PZP: variants seen among roughly 807,000 people sequenced by gnomAD.
PZP encodes the protein PZP alpha-2-macroglobulin like, also known as pregnancy zone protein.
In PZP, 150 loss-of-function variants were observed where a neutral mutation model predicts 179.8. That is an observed-to-expected ratio of 0.83 (90% CI 0.73 to 0.96). The LOEUF is 0.96. Ranked by LOEUF, PZP falls within the 40% of genes least tolerant of loss-of-function variation. PZP has a pLI of 0.00. For synonymous variants in PZP, 624 were observed against 652.3 expected (o/e 0.96, Z 0.66); for missense variants, 1,689 against 1,764.0 (o/e 0.96, Z 0.76).
At position 9,170,909 on chromosome 12, in the gene PZP, G is replaced by C. The variant is rs377296642; in HGVS notation, c.1840-1318C>G. Among the ~76,000 whole-genome samples the C allele has an allele frequency of 6.6e-6, 1 of 152,144 alleles. No homozygotes were observed. Among genetic ancestry groups the C allele is most frequent in the African/African-American group, 2.4e-5 (1 of 41,422 alleles). ...CCATCTCTGCAGTTTGGTTGACTCT[G>C]CCACTCCAACCTGCTGGCTTTGGAG... On this transcript the variant is annotated intron_variant, in intron 15 of 35. Transcript: ENST00000261336. The surrounding 1 kb of genome is among the most constrained non-coding windows in gnomAD (Gnocchi z 4.6).
At position 9,168,967 on chromosome 12, in the gene PZP, C is replaced by T; in HGVS notation, c.2009G>A (p.Gly670Glu). The change falls in exon 17 of 36, where the codon GGA becomes GAA. Residue 670 changes from glycine (G) to glutamate (E), a missense_variant. By Grantham distance (98) the Gly-to-Glu change is moderately conservative. Coordinates refer to ENST00000261336, the MANE Select transcript of PZP (RefSeq NM_002864.3). Reference protein sequence around the residue: ...ADIYSFLKGMGLKVFTNSKIR... With the variant: ...ADIYSFLKGMELKVFTNSKIR... Reference sequence around the variant, plus strand: ...TTTTGAGTTAGTGAACACCTTCAATCCCATCCCCTGGAAAAAAATAATTGT... The same window carrying T: ...TTTTGAGTTAGTGAACACCTTCAATTCCATCCCCTGGAAAAAAATAATTGT... 6.2e-7 allele frequency: 1 copy of T among 1,611,862 alleles called. No individual in the cohort carries two copies. Among genetic ancestry groups the T allele is most frequent in the Non-Finnish European group, 8.5e-7 (1 of 1,178,020 alleles).
the PZP span, among the ~76,000 whole-genome samples, chr12:9,141,267 A>G: frequency 6.6e-6 from 1 of 152,214 alleles, no homozygotes; most frequent in African/African-American, 2.4e-5. Flanking sequence ...AAAGAAAGCC[A>G]AACACCATTT....
intron 4 of PZP, among the ~76,000 whole-genome samples, chr12:9,201,689 A>G (rs943192616): frequency 6.6e-6 from 1 of 152,138 alleles, no homozygotes; most frequent in Admixed American, 6.5e-5. Flanking sequence ...GGAAATAGAT[A>G]TTAATAGAGT....
downstream of PZP, among the ~76,000 whole-genome samples, chr12:9,146,292 T>C (rs2120442393): frequency 6.6e-6 from 1 of 151,990 alleles, no homozygotes; most frequent in South Asian, 2.1e-4. Flanking sequence ...TTCTTCTGCT[T>C]TATCTAGTTT....
intron 31 of PZP, 64 bp downstream of exon 31, chr12:9,152,760 T>G: frequency 6.5e-7 from 1 of 1,537,644 alleles, no homozygotes; most frequent in South Asian, 1.2e-5. Context: ...AATGGACTAT[T>G]AATTTCTGTT....
intron 15 of PZP, among the ~76,000 whole-genome samples, chr12:9,173,933 A>G (rs894655245): frequency 6.6e-6 from 1 of 152,198 alleles, no homozygotes; most frequent in Admixed American, 6.5e-5. Flanking sequence ...TACTAAAACT[A>G]TTCCAAAAAT....
chr12:9,204,801 A>C (rs1434086745), intron 1 of PZP, among the ~76,000 whole-genome samples: 1 of 152,290 alleles, frequency 6.6e-6, no homozygotes, highest in Admixed American at 6.5e-5. Flanking sequence ...ATAAAAAAAA[A>C]CAAACAGGTT....
intron 4 of PZP, 138 bp from the exon 5 acceptor site, chr12:9,201,485 A>G (rs766574849): frequency 1.6e-6 from 1 of 623,974 alleles, no homozygotes; most frequent in Non-Finnish European, 2.8e-6. Flanking sequence ...GAACTGGAAA[A>G]ATCTCAGGGA....
rs1941092020 is a variant in PZP, at chr12:9,160,399, A to G, written c.2964T>C (p.Pro988=). ...CGEQNMVLFA[P]NIYVLNYLNE... is the part of the protein sequence containing the mutation. The stretch of plus-strand genomic sequence containing the variant: ...TCAGATAGTTCAAGACATAGATGTT[A>G]GGAGCAAATAGGACCATGTTCTGTT... The change falls in exon 24 of 36, where the codon CCT becomes CCC. Residue 988 remains proline (P), a synonymous_variant. Transcript: ENST00000261336. 1.9e-6 allele frequency: 3 copies of G among 1,613,964 alleles called. No individual in the cohort carries two copies. The highest frequency in any genetic ancestry group is 1.7e-5 in the Admixed American group (1 of 60,002).
At chr12:9,166,309 C>T in intron 17 of PZP, 107 bp from the exon 18 acceptor site, 1 of 1,040,450 alleles carries the variant, frequency 9.6e-7, no homozygotes, top group East Asian at 2.6e-5. Flanking sequence ...CTCAGACTGT[C>T]CTAAAAGTCT....
intron 28 of PZP, chr12:9,156,186 G>A: frequency 4.8e-6 from 1 of 207,370 alleles, no homozygotes; most frequent in Non-Finnish European, 1.0e-5. Context: ...GGCTTCTTTT[G>A]TGAAGTCAGT....
At chr12:9,204,305 G>A (rs1320410606) in intron 1 of PZP, among the ~76,000 whole-genome samples, 3 of 151,872 alleles carry the variant, frequency 2.0e-5, no homozygotes, top group African/African-American at 7.3e-5. Flanking sequence ...AAAAGTGCAC[G>A]CACACAAACA....
intron 34 of PZP, among the ~76,000 whole-genome samples, chr12:9,150,383 C>T (rs1940262923): frequency 1.3e-5 from 2 of 152,214 alleles, no homozygotes; most frequent in South Asian, 4.1e-4. Flanking sequence ...CCCAGGCTTA[C>T]ACGATTCTCC....
chr12:9,181,054 G>T lies in PZP; in HGVS notation c.1768C>A (p.Leu590Ile), dbSNP rs1301407058. 6.2e-6 allele frequency: 10 copies of T among 1,614,078 alleles called. No individual in the cohort carries two copies. The highest frequency in any genetic ancestry group is 8.5e-6 in the Non-Finnish European group (10 of 1,180,018). ...TGGTCCACAGCACGAAGGGCACAGA[G>T]GGACTGCGGAGCAGCTGCTACTTGC... ...HLQVAAAPQS[L>I]CALRAVDQSV... The change falls in exon 15 of 36, where the codon CTC becomes ATC. Residue 590 changes from leucine to isoleucine, a missense_variant. This residue lies in a region of PZP where 742 missense variants were observed against 730.5 expected (regional missense o/e 1.02). Transcript: ENST00000261336.
At chr12:9,136,853 C>G in the PZP span, among the ~76,000 whole-genome samples, 1 of 152,060 alleles carries the variant, frequency 6.6e-6, no homozygotes, top group Admixed American at 6.5e-5. Context: ...AGATCCTTGC[C>G]CATTTTAAAG....
intron 15 of PZP, among the ~76,000 whole-genome samples, chr12:9,177,662 A>G (rs1197374103): frequency 1.3e-5 from 2 of 152,338 alleles, no homozygotes; most frequent in East Asian, 1.9e-4. Context: ...TATTGGGTGA[A>G]CTAATGATTT....
At chr12:9,198,467 A>C (rs925932608) in intron 7 of PZP, among the ~76,000 whole-genome samples, 2 of 152,206 alleles carry the variant, frequency 1.3e-5, no homozygotes, top group Non-Finnish European at 2.9e-5. Flanking sequence ...GAATTGAATA[A>C]AAATAAGTAC....
chr12:9,194,158 G>A lies in PZP; in HGVS notation c.1173C>T (p.Ser391=). The part of the protein sequence containing the change: ...FISVNDANYY[S]NATTNEQGLA... ...GACCCTGCTCATTGGTGGTTGCATTGGAGTAATAATTGGCGTCATTCACAG... is the reference window on the plus strand; with the variant it reads ...GACCCTGCTCATTGGTGGTTGCATTAGAGTAATAATTGGCGTCATTCACAG... Residue 391 remains serine (S), a synonymous_variant, in exon 11 of 36, where the codon TCC becomes TCT. Coordinates refer to ENST00000261336, the MANE Select transcript of PZP (RefSeq NM_002864.3). 6.2e-7 allele frequency: 1 copy of A among 1,613,830 alleles called. No homozygotes were observed. The highest frequency in any genetic ancestry group is 1.7e-5 in the Admixed American group (1 of 60,004).
chr12:9,137,227 A>C, the PZP span, among the ~76,000 whole-genome samples: 1 of 152,128 alleles, frequency 6.6e-6, no homozygotes, highest in African/African-American at 2.4e-5. Flanking sequence ...ATAAACATCA[A>C]ATTTTATTGT....
Sources: gnomAD v4.1 joint callset for allele counts (sites outside exome capture counted in the v4.1 genomes callset) on GRCh38, gnomAD v4.1.1 for gene constraint, gnomAD v4.1.1 regional missense constraint, Gnocchi (gnomAD v3.1) non-coding constraint, MANE v1.5 for transcripts, NCBI Gene and HGNC (gene_info 2026-07-23, HGNC 2026-07-21) for gene names.